MEI1: variants seen among roughly 807,000 people sequenced by gnomAD.
MEI1 encodes the protein meiosis inhibitor protein 1.
In MEI1, 103 loss-of-function variants were observed where a neutral mutation model predicts 146.2. That is an observed-to-expected ratio of 0.70 (90% CI 0.60 to 0.83). The LOEUF (loss-of-function observed/expected upper bound fraction) is 0.83, where lower values mean the gene tolerates loss of function less well. Among genes scored for constraint, MEI1 ranks in the 40% least tolerant of loss-of-function variants. The pLI is 0.00. For missense variants in MEI1, 1,529 were observed against 1,533.0 expected (o/e 1.00, Z 0.04); for synonymous variants, 652 against 628.2 (o/e 1.04, Z -0.57).
At position 41,795,221 on chromosome 22, in the gene MEI1, C is replaced by T. The variant is rs910273237; in HGVS notation, c.3535-190C>T. ...GAGGGCCAGCTCTCTCAGGATCTCA[C>T]AGGTTGCCTTACTTACCCCACTTCC... On this transcript the variant is annotated intron_variant, in intron 28 of 30. Coordinates refer to ENST00000401548, the MANE Select transcript of MEI1 (RefSeq NM_152513.4). This position sits in a 1 kb window ranked among gnomAD's most constrained non-coding sequence, Gnocchi z 4.2. Among the ~76,000 whole-genome samples the T allele has an allele frequency of 6.6e-6, 1 of 152,158 alleles. No individual in the cohort carries two copies. The highest frequency in any genetic ancestry group is 2.4e-5 in the African/African-American group (1 of 41,420).
chr22:41,797,147 A>G (rs2076391240), intron 30 of MEI1, among the ~76,000 whole-genome samples: 1 of 151,980 alleles, frequency 6.6e-6, no homozygotes, highest in South Asian at 2.1e-4. Context: ...ACAGGTGCAC[A>G]CCAGCATGCC....
intron 20 of MEI1, among the ~76,000 whole-genome samples, chr22:41,772,311 T>G (rs2075226877): frequency 6.6e-6 from 1 of 152,176 alleles, no homozygotes; most frequent in Non-Finnish European, 1.5e-5. Context: ...AGCGTCAATC[T>G]TCTGGGCTCA....
intron 11 of MEI1, among the ~76,000 whole-genome samples, chr22:41,738,810 T>TAAAATA (rs3045433): frequency 0.83 from 124,063 of 149,122 alleles, 52,532 homozygotes; most frequent in African/African-American, 0.95. Context: ...ATAAAATAAA[T>TAAAATA]AAATAAAATT....
In MEI1 at chr22:41,799,426, G is replaced by T; in HGVS notation, c.*127G>T. 1 of 876,444 alleles carries T rather than the reference G, an allele frequency of 1.1e-6. No homozygotes were observed. The highest frequency in any genetic ancestry group is 1.7e-5 in the African/African-American group (1 of 59,434). 54.3% of individuals were successfully genotyped at this position (876,444 alleles called of 1,614,324 possible). A position where few individuals can be genotyped will look rare whatever the true frequency, so the allele number is the denominator to read the frequency against. On this transcript the variant is annotated 3_prime_UTR_variant, in exon 31 of 31. Coordinates refer to ENST00000401548, the MANE Select transcript of MEI1 (RefSeq NM_152513.4). ...AGCCATATACTCTATTGTTGAAATA[G>T]AATAAGGAAATAAAATGATACACTC...
At position 41,720,597 on chromosome 22, in the gene MEI1, A is replaced by ATTT. The variant is rs71184835; in HGVS notation, c.733+2339_733+2341dup. Among the ~76,000 whole-genome samples, 139 of 124,808 alleles carry ATTT rather than the reference A, an allele frequency of 1.1e-3. 2 individuals carry two copies. The highest frequency in any genetic ancestry group is 8.2e-3 in the South Asian group (31 of 3,778). The allele number at this position is 124,808 out of a possible 152,430, so 81.9% of individuals were successfully genotyped here. ...AGCCTGCACTACTATGCCTGGCTCA[A>ATTT]TTTTTTTTTTTTTTTTTTGACGGAG... On this transcript the variant is annotated intron_variant, in intron 6 of 30. Transcript: ENST00000401548.
intron 26 of MEI1, among the ~76,000 whole-genome samples, chr22:41,792,954 A>G (rs2148243876): frequency 6.7e-6 from 1 of 149,572 alleles, no homozygotes; most frequent in East Asian, 2.0e-4. Context: ...CACTGGCTTA[A>G]GTAAACTGTG....
chr22:41,782,793 G>T (rs1272624292), intron 24 of MEI1, among the ~76,000 whole-genome samples: 1 of 152,302 alleles, frequency 6.6e-6, no homozygotes, highest in African/African-American at 2.4e-5. Context: ...CACCTGCCTA[G>T]GAGAAAACTT....
At chr22:41,763,964 T>C (rs1463772944) in intron 19 of MEI1, among the ~76,000 whole-genome samples, 1 of 87,546 alleles carries the variant, frequency 1.1e-5, no homozygotes, top group Non-Finnish European at 2.2e-5. Context: ...TTTTTTTTTT[T>C]GAGACGGAGT....
intron 26 of MEI1, among the ~76,000 whole-genome samples, chr22:41,792,918 TA>T (rs139554): frequency 0.057 from 8,224 of 144,312 alleles, 678 homozygotes; most frequent in African/African-American, 0.19. Flanking sequence ...CCTGTTGCTT[TA>T]AAAAAAAAAA....
At chr22:41,774,470 G>C (rs1022157456) in intron 20 of MEI1, 2 of 152,170 alleles carry the variant, frequency 1.3e-5, no homozygotes, top group Non-Finnish European at 2.9e-5. Context: ...TTCCCGTCGG[G>C]CTTCAGCCTC....
At chr22:41,753,658 T>C (rs2073919456) in intron 16 of MEI1, 1 of 217,232 alleles carries the variant, frequency 4.6e-6, no homozygotes, top group Middle Eastern at 1.8e-3. Flanking sequence ...TTTGTATTTT[T>C]AGTAGAGACA....
At chr22:41,764,609 T>C (rs2074723065) in intron 19 of MEI1, among the ~76,000 whole-genome samples, 1 of 152,246 alleles carries the variant, frequency 6.6e-6, no homozygotes, top group Non-Finnish European at 1.5e-5. Flanking sequence ...AGCAATATTC[T>C]ATGAAATAGG....
chr22:41,746,992 CCTT>C (rs1315370014), intron 14 of MEI1, among the ~76,000 whole-genome samples: 3 of 151,602 alleles, frequency 2.0e-5, no homozygotes, highest in African/African-American at 4.8e-5. Flanking sequence ...TTGTATTAGT[CCTT>C]CTTTCTACTT....
At chr22:41,781,084 C>A (rs1373997593) in intron 22 of MEI1, among the ~76,000 whole-genome samples, 200 bp from the exon 23 acceptor site, 1 of 152,218 alleles carries the variant, frequency 6.6e-6, no homozygotes, top group Non-Finnish European at 1.5e-5. Flanking sequence ...GGCTGCTTGC[C>A]TGATGTTTGT....
At chr22:41,780,054 CG>C (rs1356329482) in intron 22 of MEI1, among the ~76,000 whole-genome samples, 26 of 152,082 alleles carry the variant, frequency 1.7e-4, no homozygotes, top group African/African-American at 5.3e-4. Context: ...CCACTGGGGA[CG>C]CATTGCAGAT....
Position 41,703,346 on chromosome 22 carries a change from C to T in MEI1, c.190C>T (p.His64Tyr), listed in dbSNP as rs1418438645. 6.2e-7 allele frequency: 1 copy of T among 1,612,576 alleles called. No individual in the cohort carries two copies. The highest frequency in any genetic ancestry group is 8.5e-7 in the Non-Finnish European group (1 of 1,179,284). The change falls in exon 2 of 31, where the codon CAC (histidine) becomes TAC (tyrosine). Residue 64 changes from histidine to tyrosine, a missense_variant. His to Tyr is a moderately conservative substitution (Grantham distance 83). Around this residue, in one of 3 missense-constraint regions of MEI1, gnomAD observed 1,212 missense variants for 1,178.9 expected, o/e 1.03. Coordinates refer to ENST00000401548, the MANE Select transcript of MEI1 (RefSeq NM_152513.4). ...DPGVSLVRKK[H>Y]MLSCFQDALV... ...TTGCTTCAAGTTAGTGCGCAAGAAG[C>T]ACATGTTGTCCTGCTTCCAAGATGC... is the stretch of plus-strand genomic sequence containing the variant.
intron 11 of MEI1, among the ~76,000 whole-genome samples, chr22:41,740,865 T>C (rs1473465373): frequency 6.6e-6 from 1 of 152,130 alleles, no homozygotes. Context: ...CGTAACCATA[T>C]GCAGTTGACT....
intron 18 of MEI1, among the ~76,000 whole-genome samples, chr22:41,762,295 T>C (rs2074544471): frequency 6.6e-6 from 1 of 151,788 alleles, no homozygotes; most frequent in African/African-American, 2.4e-5. Flanking sequence ...TCCTTTCCTC[T>C]TTTCCCTCCC....
intron 11 of MEI1, among the ~76,000 whole-genome samples, chr22:41,739,710 A>G (rs1289962139): frequency 6.6e-6 from 1 of 152,134 alleles, no homozygotes; most frequent in Non-Finnish European, 1.5e-5. Context: ...AGTAAGAGCA[A>G]TGTCAATCAG....
Sources: gnomAD v4.1 joint callset for allele counts (sites outside exome capture counted in the v4.1 genomes callset) on GRCh38, gnomAD v4.1.1 for gene constraint, gnomAD v4.1.1 regional missense constraint, Gnocchi (gnomAD v3.1) non-coding constraint, MANE v1.5 for transcripts, NCBI Gene and HGNC (gene_info 2026-07-23, HGNC 2026-07-21) for gene names.